Variants in DLGAP1 observed in about 807,000 individuals in gnomAD.
DLGAP1 encodes DLG associated protein 1, also known as disks large-associated protein 1.
In DLGAP1, 11 loss-of-function variants were observed where a neutral mutation model predicts 90.8. That is an observed-to-expected ratio of 0.12 (90% CI 0.08 to 0.20). DLGAP1 has a LOEUF of 0.20. Among genes scored for constraint, DLGAP1 ranks in the 10% least tolerant of loss-of-function variants. DLGAP1 has a pLI of 1.00. For synonymous variants in DLGAP1, 558 were observed against 540.7 expected, an observed-to-expected ratio of 1.03 and a Z score of -0.44; for missense variants, 1,050 against 1,333.8, an observed-to-expected ratio of 0.79 and a Z score of 3.31.
At chr18:4,379,806 A>G (rs1044189971) in intron 1 of DLGAP1, among the ~76,000 whole-genome samples, 1 of 152,178 alleles carries the variant, frequency 6.6e-6, no homozygotes, top group Non-Finnish European at 1.5e-5. Context: ...CTCAACTGAA[A>G]TAAGTAATTA....
chr18:4,255,186 CTTTAG>C (rs2078863844), intron 1 of DLGAP1, among the ~76,000 whole-genome samples: 1 of 152,142 alleles, frequency 6.6e-6, no homozygotes, highest in African/African-American at 2.4e-5. Flanking sequence ...TTCATCTATC[CTTTAG>C]ATTGCCTTCT....
chr18:3,858,129 A>G (rs1265560983), intron 4 of DLGAP1, among the ~76,000 whole-genome samples: 1 of 152,192 alleles, frequency 6.6e-6, no homozygotes, highest in East Asian at 1.9e-4. Context: ...TTCTCCATCT[A>G]AATGTATTCT....
intron 3 of DLGAP1, among the ~76,000 whole-genome samples, chr18:3,954,207 AT>A: frequency 6.6e-6 from 1 of 152,316 alleles, no homozygotes; most frequent in Admixed American, 6.5e-5. Flanking sequence ...GAGATCAAGT[AT>A]TTTTTTAAAG....
At chr18:3,983,589 C>A (rs899386180) in intron 3 of DLGAP1, 2 of 152,160 alleles carry the variant, frequency 1.3e-5, no homozygotes, top group African/African-American at 4.8e-5. Flanking sequence ...TGTTCTCTAT[C>A]AAAACTGAAT....
At chr18:3,916,986 C>T (rs1811608067) in intron 3 of DLGAP1, among the ~76,000 whole-genome samples, 2 of 152,104 alleles carry the variant, frequency 1.3e-5, no homozygotes, top group African/African-American at 4.8e-5. Context: ...CCTTGAGTAC[C>T]CATACAATTA....
intron 4 of DLGAP1, among the ~76,000 whole-genome samples, chr18:3,832,853 G>A (rs1476338324): frequency 9.9e-5 from 15 of 151,988 alleles, no homozygotes; most frequent in Admixed American, 9.8e-4. Context: ...ACGGGAGGCA[G>A]CTTAGGTGCC....
rs573014899 is a variant in DLGAP1, at chr18:3,690,654, G to A, written c.1591+38481C>T. On this transcript the variant is annotated intron_variant, in intron 7 of 12. Transcript: ENST00000315677. ...AGAGTAATTTTTAAAAAGGAATAAG[G>A]AAAGGAAGTGATTAGTCTTTTCGCT... Among the ~76,000 whole-genome samples the A allele has an allele frequency of 1.4e-4, 22 of 152,304 alleles. 1 individual carries two copies. In the Middle Eastern group the frequency reaches 0.01, roughly 71 times the overall value.
chr18:3,906,531 C>T (rs770044489), intron 3 of DLGAP1, among the ~76,000 whole-genome samples: 2 of 152,066 alleles, frequency 1.3e-5, no homozygotes, highest in Non-Finnish European at 2.9e-5. Context: ...GACGTTTCCT[C>T]AAATCTATTT....
chr18:3,941,766 G>A (rs2072774158), intron 3 of DLGAP1, among the ~76,000 whole-genome samples: 1 of 152,152 alleles, frequency 6.6e-6, no homozygotes. Flanking sequence ...AGGGTGGAGT[G>A]CAATGGCATG....
intron 2 of DLGAP1, among the ~76,000 whole-genome samples, chr18:4,117,739 C>T (rs2076085671): frequency 6.6e-6 from 1 of 152,188 alleles, no homozygotes; most frequent in East Asian, 1.9e-4. Flanking sequence ...GGAGAAGGCA[C>T]AGTCTTGGGT....
intron 2 of DLGAP1, among the ~76,000 whole-genome samples, chr18:4,025,775 C>T (rs1395221007): frequency 1.3e-5 from 2 of 152,076 alleles, no homozygotes; most frequent in African/African-American, 2.4e-5. Context: ...TTATAAATAT[C>T]ATATATACAC....
intron 7 of DLGAP1, among the ~76,000 whole-genome samples, chr18:3,586,196 A>G (rs879232241): frequency 6.6e-6 from 1 of 152,124 alleles, no homozygotes; most frequent in Admixed American, 6.6e-5. Flanking sequence ...AGAAGATAAG[A>G]TTTTGAGATC....
At chr18:3,557,586 T>C (rs987003111) in intron 9 of DLGAP1, among the ~76,000 whole-genome samples, 1 of 152,178 alleles carries the variant, frequency 6.6e-6, no homozygotes, top group African/African-American at 2.4e-5. Flanking sequence ...TTTATTTGAC[T>C]CATTTGTAAT....
At chr18:4,261,027 A>G (rs2078992580) in intron 1 of DLGAP1, among the ~76,000 whole-genome samples, 1 of 152,228 alleles carries the variant, frequency 6.6e-6, no homozygotes, top group African/African-American at 2.4e-5. Context: ...GTAAAGGACA[A>G]ACACGAATCT....
chr18:3,894,939 G>A (rs2148866485), intron 3 of DLGAP1: 1 of 152,262 alleles, frequency 6.6e-6, no homozygotes, highest in South Asian at 2.1e-4. Context: ...GCTCTTAGAT[G>A]TTAAGCCACT....
intron 7 of DLGAP1, among the ~76,000 whole-genome samples, chr18:3,647,032 T>C (rs773916049): frequency 7.2e-5 from 11 of 152,130 alleles, no homozygotes; most frequent in African/African-American, 2.7e-4. Flanking sequence ...GTGGATCATC[T>C]GAGGTCAGGA....
At chr18:4,124,473 A>T (rs894214249) in intron 2 of DLGAP1, among the ~76,000 whole-genome samples, 4 of 152,246 alleles carry the variant, frequency 2.6e-5, no homozygotes, top group Non-Finnish European at 5.9e-5. Flanking sequence ...CTCAGAATCT[A>T]GACACATAAT....
intron 7 of DLGAP1, among the ~76,000 whole-genome samples, chr18:3,698,733 C>T (rs1228027473): frequency 2.0e-5 from 3 of 152,118 alleles, no homozygotes; most frequent in African/African-American, 7.2e-5. Context: ...TCCTGAAGAA[C>T]GTTTTCCAAC....
intron 8 of DLGAP1, among the ~76,000 whole-genome samples, chr18:3,571,965 TTTTG>T (rs1294179436): frequency 2.0e-5 from 3 of 152,186 alleles, no homozygotes; most frequent in Admixed American, 6.5e-5. Context: ...TACCTTTATA[TTTTG>T]TTTATTGATA....
Sources: allele counts gnomAD v4.1 joint callset (sites outside exome capture counted in the v4.1 genomes callset), GRCh38; gene constraint gnomAD v4.1.1; transcripts MANE v1.5; gene names NCBI Gene and HGNC (gene_info 2026-07-23, HGNC 2026-07-21).